PKP3: variants seen among roughly 807,000 people sequenced by gnomAD.
PKP3 encodes plakophilin-3.
PKP3 carries 66 observed loss-of-function variants against 76.5 expected under a neutral mutation model. The ratio of observed to expected loss-of-function variants is 0.86; its 90% confidence interval spans 0.71 to 1.06. The LOEUF (loss-of-function observed/expected upper bound fraction) is 1.06. Among genes scored for constraint, PKP3 ranks in the 50% least tolerant of loss-of-function variants. The pLI, the probability that PKP3 is intolerant of heterozygous loss-of-function variation, is 0.00. For missense variants in PKP3, 1,338 were observed against 1,141.0 expected, an observed-to-expected ratio of 1.17 and a Z score of -2.49; for synonymous variants, 638 against 516.5, an observed-to-expected ratio of 1.24 and a Z score of -3.19.
Position 404,274 on chromosome 11 carries a change from T to A in PKP3, c.2309T>A (p.Leu770His), listed in dbSNP as rs1169883721. 1 of 1,612,610 alleles carries A rather than the reference T, an allele frequency of 6.2e-7. No individual in the cohort carries two copies. The highest frequency in any genetic ancestry group is 8.5e-7 in the Non-Finnish European group (1 of 1,179,866). ...SEKSSRAASS[L>H]LANLWQYNKL... ...AAGTCCTCCCGGGCAGCATCCAGCC[T>A]CCTGGCCAACCTGTGGCAGTACAAC... Residue 770 changes from leucine to histidine, a missense_variant, in exon 12 of 13, where the codon CTC (leucine) becomes CAC (histidine). Coordinates refer to ENST00000331563, the MANE Select transcript of PKP3 (RefSeq NM_007183.4). The surrounding 1 kb of genome is among the most constrained non-coding windows in gnomAD (Gnocchi z 4.2).
intron 7 of PKP3, 29 bp from the exon 8 acceptor site, chr11:400,506 G>T (rs1024280579): frequency 6.7e-7 from 1 of 1,499,396 alleles, no homozygotes. Flanking sequence ...GCTCTGACCC[G>T]CGCCCCTGCC....
Position 399,138 on chromosome 11 carries a change from C to T in PKP3, c.1215C>T (p.Ile405=), listed in dbSNP as rs1322566084. The change falls in exon 5 of 13, where the codon ATC becomes ATT. Residue 405 remains isoleucine (I), a synonymous_variant. Coordinates refer to ENST00000331563, the MANE Select transcript of PKP3 (RefSeq NM_007183.4). ...NKLALVEENG[I]FELLRTLREQ... Reference sequence around the variant, plus strand: ...TGGCCCTGGTGGAGGAGAACGGGATCTTCGAGCTGCTGCGGACACTGCGGG... The same window carrying T: ...TGGCCCTGGTGGAGGAGAACGGGATTTTCGAGCTGCTGCGGACACTGCGGG... 3 of 1,611,852 alleles carry T rather than the reference C, an allele frequency of 1.9e-6. No homozygotes were observed. The East Asian group carries it at 6.7e-5, about 36-fold the overall frequency.
intron 5 of PKP3, among the ~76,000 whole-genome samples, 167 bp from the exon 6 acceptor site, chr11:399,800 C>T (rs1847119175): frequency 2.0e-5 from 3 of 151,634 alleles, no homozygotes; most frequent in Admixed American, 2.0e-4. Flanking sequence ...TTGGTCCCAG[C>T]TCTATCACCT....
At position 394,543 on chromosome 11, in the gene PKP3, G is replaced by A. The variant is rs940932458; in HGVS notation, c.232+19G>A. 18 of 1,358,700 alleles carry A rather than the reference G, an allele frequency of 1.3e-5. No individual in the cohort carries two copies. Among genetic ancestry groups the A allele is most frequent in the Admixed American group, 3.9e-5 (1 of 25,660 alleles). The allele number at this position is 1,358,700 out of a possible 1,614,324, so 84.2% of individuals were successfully genotyped here. ...GCCAGAGGTAGGCGGTGGGGACAGC[G>A]GCGGGGATGGCGGTGGCGGGGAGAG... On this transcript the variant is annotated intron_variant, in intron 1 of 12. Coordinates refer to ENST00000331563, the MANE Select transcript of PKP3 (RefSeq NM_007183.4).
chr11:399,098 AC>A lies in PKP3; in HGVS notation c.1176del (p.Asn392LysfsTer45). ...GCCATGCGCAACCTCATCTACGACA[AC>A]GCTGACAACAAGCTGGCCCTGGTGG... Reference protein sequence around the residue: ...TGAMRNLIYDNADNKLALVEE... With the variant: ...TGAMRNLIYDXADNKLALVEE... On this transcript the variant is annotated frameshift_variant, in exon 5 of 13. Coordinates refer to ENST00000331563, the MANE Select transcript of PKP3 (RefSeq NM_007183.4). LOFTEE classifies it high-confidence loss of function. 1 of 1,611,810 alleles carries A rather than the reference AC, an allele frequency of 6.2e-7. No individual in the cohort carries two copies. Among genetic ancestry groups the A allele is most frequent in the Non-Finnish European group, 8.5e-7 (1 of 1,179,348 alleles).
intron 9 of PKP3, 144 bp downstream of exon 9, chr11:403,407 T>G: frequency 1.2e-6 from 1 of 848,422 alleles, no homozygotes; most frequent in Non-Finnish European, 1.8e-6. Context: ...GGCGCAGGCC[T>G]TGGGCCTTGG....
Position 400,069 on chromosome 11 carries a change from C to T in PKP3, c.1376C>T (p.Ala459Val), listed in dbSNP as rs1006487112. ...CTGGTGTTGAGCCCCCTGTCGGGGG[C>T]TGGGGGTCCCCCCCTCATCCAGCAG... ...TDLVLSPLSG[A>V]GGPPLIQQNA... Residue 459 changes from alanine to valine, a missense_variant, in exon 6 of 13, where the codon GCT becomes GTT. By Grantham distance (64) the Ala-to-Val change is moderately conservative. Transcript: ENST00000331563. 3 of 1,602,540 alleles carry T rather than the reference C, an allele frequency of 1.9e-6. No individual in the cohort carries two copies. Among genetic ancestry groups the T allele is most frequent in the Admixed American group, 1.7e-5 (1 of 57,988 alleles).
intron 2 of PKP3, 41 bp from the exon 3 acceptor site, chr11:396,773 T>G: frequency 6.4e-7 from 1 of 1,569,224 alleles, no homozygotes; most frequent in Non-Finnish European, 8.6e-7. Context: ...CGGACACAGG[T>G]GAGCCCAGGC....
At chr11:398,007 A>C (rs1286876068) in intron 4 of PKP3, among the ~76,000 whole-genome samples, 51 of 43,954 alleles carry the variant, frequency 1.2e-3, no homozygotes, top group South Asian at 5.6e-3. Context: ...CATCACCTCC[A>C]TACCCCCACA....
rs1448734711 is a variant in PKP3, at chr11:400,724, G to A, written c.1737+19G>A. 3.3e-6 allele frequency: 4 copies of A among 1,208,384 alleles called. No individual in the cohort carries two copies. Among genetic ancestry groups the A allele is most frequent in the Non-Finnish European group, 2.1e-6 (2 of 967,928 alleles). The allele number at this position is 1,208,384 out of a possible 1,614,324, so 74.9% of individuals were successfully genotyped here. A position where few individuals can be genotyped will look rare whatever the true frequency, so the allele number is the denominator to read the frequency against. On this transcript the variant is annotated intron_variant, in intron 8 of 12. Transcript: ENST00000331563. Reference sequence around the variant, plus strand: ...GCGCGAGGTGGGCACCAGCCTGAGCGGGGCGTGGGGTGGGTGCTGCGACCC... The same window carrying A: ...GCGCGAGGTGGGCACCAGCCTGAGCAGGGCGTGGGGTGGGTGCTGCGACCC...
At chr11:394,614 A>G in intron 1 of PKP3, 90 bp downstream of exon 1, 1 of 1,103,610 alleles carries the variant, frequency 9.1e-7, no homozygotes, top group Non-Finnish European at 1.2e-6. Context: ...GGCCGCAGTG[A>G]GGCCGGCTCC....
At position 400,142 on chromosome 11, in the gene PKP3, G is replaced by C; in HGVS notation, c.1448+1G>C. On this transcript the variant is annotated splice_donor_variant, in intron 6 of 12. Coordinates refer to ENST00000331563, the MANE Select transcript of PKP3 (RefSeq NM_007183.4). LOFTEE classifies it high-confidence loss of function. ...TCTACAACGCCACCGGCTTCCTCAG[G>C]TGCGCCAGCCTCGGGCAGCGGGGTG... The C allele has an allele frequency of 6.5e-7, 1 of 1,549,094 alleles. No individual in the cohort carries two copies. Among genetic ancestry groups the C allele is most frequent in the Non-Finnish European group, 8.7e-7 (1 of 1,150,976 alleles).
chr11:400,547 G>T lies in PKP3; in HGVS notation c.1579G>T (p.Ala527Ser). 2 of 1,494,642 alleles carry T rather than the reference G, an allele frequency of 1.3e-6. No individual in the cohort carries two copies. Among genetic ancestry groups the T allele is most frequent in the Non-Finnish European group, 1.8e-6 (2 of 1,129,336 alleles). 92.6% of individuals were successfully genotyped at this position (1,494,642 alleles called of 1,614,324 possible). Reference protein sequence around the residue: ...GKCEDKSVENAVCVLRNLSYR... With the variant: ...GKCEDKSVENSVCVLRNLSYR... ...CCCCCGCCCGCAGAGCGTGGAGAAC[G>T]CGGTGTGCGTCCTGCGGAACCTGTC... is the stretch of plus-strand genomic sequence containing the variant. Residue 527 changes from alanine (A) to serine (S), a missense_variant, in exon 8 of 13, where the codon GCG becomes TCG. Coordinates refer to ENST00000331563, the MANE Select transcript of PKP3 (RefSeq NM_007183.4).
intron 7 of PKP3, 22 bp from the exon 8 acceptor site, chr11:400,513 T>C (rs1279496563): frequency 2.7e-6 from 4 of 1,491,796 alleles, no homozygotes; most frequent in Admixed American, 2.4e-5. Context: ...CCCGCGCCCC[T>C]GCCCCGCGCC....
Position 396,627 on chromosome 11 carries a change from C to T in PKP3, c.252C>T (p.Tyr84=), listed in dbSNP as rs145724455. The change falls in exon 2 of 13, where the codon TAC becomes TAT. Residue 84 remains tyrosine, a synonymous_variant. Coordinates refer to ENST00000331563, the MANE Select transcript of PKP3 (RefSeq NM_007183.4). ...ETARGTSRGQ[Y]HTLQAGFSSR... is the part of the protein sequence containing the mutation. Reference sequence around the variant, plus strand: ...CCACAGGCACATCCAGGGGGCAGTACCACACCCTGCAGGCTGGCTTCAGCT... The same window carrying T: ...CCACAGGCACATCCAGGGGGCAGTATCACACCCTGCAGGCTGGCTTCAGCT... 1.2e-6 allele frequency: 2 copies of T among 1,609,942 alleles called. No homozygotes were observed. Among genetic ancestry groups the T allele is most frequent in the East Asian group, 2.2e-5 (1 of 44,882 alleles).
rs1847057297 is a variant in PKP3, at chr11:397,026, C to G, written c.525C>G (p.Asp175Glu). 7 of 1,599,820 alleles carry G rather than the reference C, an allele frequency of 4.4e-6. No homozygotes were observed. Among genetic ancestry groups the G allele is most frequent in the African/African-American group, 1.3e-5 (1 of 75,032 alleles). ...GCGGTGGGGTTGGGAGCCGGGCCGA[C>G]TATGACACACTCTCCCTGCGCTCGC... ...HERGGVGSRA[D>E]YDTLSLRSLR... is the part of the protein sequence containing the mutation. The change falls in exon 3 of 13, where the codon GAC (aspartate) becomes GAG (glutamate). Residue 175 changes from aspartate (D) to glutamate (E), a missense_variant. By Grantham distance (45) the Asp-to-Glu change is conservative (BLOSUM62 2). Transcript: ENST00000331563.
At chr11:394,852 G>C (rs999900222) in intron 1 of PKP3, among the ~76,000 whole-genome samples, 4 of 152,184 alleles carry the variant, frequency 2.6e-5, no homozygotes, top group Non-Finnish European at 4.4e-5. Context: ...CCCGGAACAC[G>C]CACGCGCCTG....
upstream of PKP3, among the ~76,000 whole-genome samples, chr11:392,903 C>A (rs1010807537): frequency 6.6e-6 from 1 of 152,068 alleles, no homozygotes; most frequent in Non-Finnish European, 1.5e-5. Flanking sequence ...CCGGCCCTCA[C>A]GCCAGACCCC....
In PKP3 at chr11:394,536, G is replaced by A; in HGVS notation, c.232+12G>A. ...CGAGACTGCCAGAGGTAGGCGGTGGGGACAGCGGCGGGGATGGCGGTGGCG... is the reference window on the plus strand; with the variant it reads ...CGAGACTGCCAGAGGTAGGCGGTGGAGACAGCGGCGGGGATGGCGGTGGCG... On this transcript the variant is annotated intron_variant, in intron 1 of 12. Coordinates refer to ENST00000331563, the MANE Select transcript of PKP3 (RefSeq NM_007183.4). 1 of 1,364,618 alleles carries A rather than the reference G, an allele frequency of 7.3e-7. No individual in the cohort carries two copies. The highest frequency in any genetic ancestry group is 9.4e-7 in the Non-Finnish European group (1 of 1,064,656). 84.5% of individuals were successfully genotyped at this position (1,364,618 alleles called of 1,614,324 possible).
Sources: allele counts gnomAD v4.1 joint callset (sites outside exome capture counted in the v4.1 genomes callset), GRCh38; gene constraint gnomAD v4.1.1; non-coding constraint Gnocchi (gnomAD v3.1); transcripts MANE v1.5; gene names NCBI Gene and HGNC (gene_info 2026-07-23, HGNC 2026-07-21).